The following TTC39A variants were observed in gnomAD, a reference collection of about 807,000 sequenced individuals.
TTC39A encodes tetratricopeptide repeat protein 39A.
TTC39A carries 46 observed loss-of-function variants against 82.3 expected under a neutral mutation model. The ratio of observed to expected loss-of-function variants is 0.56; its 90% confidence interval spans 0.44 to 0.71. TTC39A has a LOEUF of 0.71. Ranked by LOEUF, TTC39A falls within the 30% of genes least tolerant of loss-of-function variation. The pLI is 0.00. For missense variants in TTC39A, 543 were observed against 712.9 expected (o/e 0.76, Z 2.71); for synonymous variants, 254 against 275.2 (o/e 0.92, Z 0.76).
At chr1:51,304,579 C>G (rs911436645) in intron 8 of TTC39A, among the ~76,000 whole-genome samples, 50 of 152,308 alleles carry the variant, frequency 3.3e-4, no homozygotes, top group African/African-American at 1.1e-3. Flanking sequence ...TGCCTTCAAC[C>G]TGGGGTTGGT....
intron 7 of TTC39A, among the ~76,000 whole-genome samples, 199 bp from the exon 8 acceptor site, chr1:51,305,345 G>A (rs578252114): frequency 1.3e-5 from 2 of 152,282 alleles, no homozygotes; most frequent in African/African-American, 2.4e-5. Flanking sequence ...CCATGGGCAG[G>A]TGCCAGGAAG....
At position 51,311,311 on chromosome 1, in the gene TTC39A, G is replaced by A. The variant is rs772336304; in HGVS notation, c.366C>T (p.His122=). ...TLGQFTEEEI[H]AEVCYAECLL... ...GGCACTCTGCATAGCAGACCTCAGC[G>A]TGGATTTCCTCTGTGGGGAGAAAAC... Residue 122 remains histidine, a synonymous_variant, in exon 5 of 18, where the codon CAC becomes CAT. Transcript: ENST00000680483. 5.1e-6 allele frequency: 8 copies of A among 1,580,322 alleles called. No individual in the cohort carries two copies. Among genetic ancestry groups the A allele is most frequent in the East Asian group, 2.3e-5 (1 of 43,318 alleles).
rs1645869867 is a variant in TTC39A at position 51,330,419 on chromosome 1, T to C, written c.41+18A>G. 1 of 979,920 alleles carries C rather than the reference T, an allele frequency of 1.0e-6. No individual in the cohort carries two copies. Among genetic ancestry groups the C allele is most frequent in the East Asian group, 1.2e-4 (1 of 8,610 alleles). 60.7% of individuals were successfully genotyped at this position (979,920 alleles called of 1,614,324 possible). A position where few individuals can be genotyped will look rare whatever the true frequency, so the allele number is the denominator to read the frequency against. ...CCCGCGCCGCCCGCGCCCCCGGGCC[T>C]CCCAGCCGCGCACTTACCCCGCGGG... On this transcript the variant is annotated intron_variant, in intron 1 of 17. Coordinates refer to ENST00000680483, the MANE Select transcript of TTC39A (RefSeq NM_001297663.2). This position sits in a 1 kb window ranked among gnomAD's most constrained non-coding sequence, Gnocchi z 4.5.
intron 2 of TTC39A, among the ~76,000 whole-genome samples, chr1:51,315,913 T>G (rs1256969682): frequency 6.6e-6 from 1 of 152,240 alleles, no homozygotes; most frequent in African/African-American, 2.4e-5. Context: ...GCACAGGGCC[T>G]GTGCCTAAAA....
intron 1 of TTC39A, among the ~76,000 whole-genome samples, chr1:51,341,593 A>G (rs2148323736): frequency 6.6e-6 from 1 of 152,232 alleles, no homozygotes. Flanking sequence ...GTCACCAGGG[A>G]TTGAGGATCT....
At chr1:51,314,532 ATAAGT>A (rs1196666628) in intron 2 of TTC39A, among the ~76,000 whole-genome samples, 1 of 152,196 alleles carries the variant, frequency 6.6e-6, no homozygotes, top group Non-Finnish European at 1.5e-5. Flanking sequence ...TAAAACACTC[ATAAGT>A]TAAGTTACTT....
At chr1:51,344,331 C>T (rs948260776) in intron 1 of TTC39A, among the ~76,000 whole-genome samples, 3 of 152,048 alleles carry the variant, frequency 2.0e-5, no homozygotes, top group African/African-American at 4.8e-5. Context: ...TGTAAATATG[C>T]GGGGAGGGCT....
intron 1 of TTC39A, among the ~76,000 whole-genome samples, chr1:51,328,541 T>C (rs920888444): frequency 1.3e-5 from 2 of 152,156 alleles, no homozygotes; most frequent in African/African-American, 4.8e-5. Flanking sequence ...TTTTAAGACT[T>C]ACACACACTG....
chr1:51,322,007 G>C (rs920802492), intron 1 of TTC39A, 182 bp from the exon 2 acceptor site: 2 of 1,425,404 alleles, frequency 1.4e-6, no homozygotes, highest in Non-Finnish European at 1.9e-6. Context: ...ACCTCTTGGT[G>C]TTCCCAAGGG....
chr1:51,306,109 C>T (rs1039864768), intron 6 of TTC39A, 33 bp from the exon 7 acceptor site: 2 of 1,472,292 alleles, frequency 1.4e-6, no homozygotes, highest in African/African-American at 2.8e-5. Flanking sequence ...GTTTCAGCCA[C>T]TGCTGGGGGT....
Position 51,345,034 on chromosome 1 carries a change from GA to G in TTC39A, c.9del (p.Leu4Ter). 1.3e-6 allele frequency: 2 copies of G among 1,515,298 alleles called. No homozygotes were observed. The highest frequency in any genetic ancestry group is 2.8e-5 in the East Asian group (1 of 36,056). The allele number at this position is 1,515,298 out of a possible 1,614,324, so 93.9% of individuals were successfully genotyped here. A position where few individuals can be genotyped will look rare whatever the true frequency, so the allele number is the denominator to read the frequency against. ...GAGGCCGCCTCCTTCCAGGTGGTCA[GA>G]AAGGCCATGGGCGCGGGCCGGGCTC... On this transcript the variant is annotated frameshift_variant, in exon 1 of 6. Coordinates refer to the TTC39A transcript ENST00000401051. LOFTEE classifies it high-confidence loss of function.
intron 12 of TTC39A, chr1:51,299,192 C>CT (rs1386701513): frequency 6.6e-6 from 1 of 151,782 alleles, no homozygotes; most frequent in Non-Finnish European, 1.5e-5. Flanking sequence ...ACTGCTCTTT[C>CT]TGGGGGGGCG....
intron 1 of TTC39A, among the ~76,000 whole-genome samples, chr1:51,328,321 C>G (rs1284935908): frequency 6.6e-6 from 1 of 151,866 alleles, no homozygotes. Flanking sequence ...AATAGCAAGA[C>G]ACTGGGAACA....
chr1:51,325,276 A>C (rs1645673248), intron 1 of TTC39A, among the ~76,000 whole-genome samples: 1 of 151,920 alleles, frequency 6.6e-6, no homozygotes, highest in Admixed American at 6.6e-5. Context: ...AAAAACCACA[A>C]ATGTCACTTC....
intron 1 of TTC39A, among the ~76,000 whole-genome samples, chr1:51,339,389 T>G (rs1646009370): frequency 6.6e-6 from 1 of 152,200 alleles, no homozygotes; most frequent in African/African-American, 2.4e-5. Flanking sequence ...GCTGATCACC[T>G]GGGAAAGACT....
intron 1 of TTC39A, among the ~76,000 whole-genome samples, chr1:51,323,997 C>T (rs1645620173): frequency 6.6e-6 from 1 of 152,098 alleles, no homozygotes; most frequent in Non-Finnish European, 1.5e-5. Context: ...TACATTGCTC[C>T]AGGAAGGATT....
At chr1:51,312,771 G>T in intron 3 of TTC39A, 41 bp downstream of exon 3, 1 of 1,600,236 alleles carries the variant, frequency 6.2e-7, no homozygotes, top group Admixed American at 1.7e-5. Flanking sequence ...ACAGCAGGGT[G>T]GGCCTCCCAA....
At chr1:51,292,865 C>T (rs1271523543) in intron 14 of TTC39A, among the ~76,000 whole-genome samples, 5 of 152,168 alleles carry the variant, frequency 3.3e-5, no homozygotes, top group Non-Finnish European at 5.9e-5. Flanking sequence ...TATATAAAGA[C>T]TCCAAGAAAG....
chr1:51,308,579 C>T (rs1183478613), intron 6 of TTC39A, among the ~76,000 whole-genome samples: 1 of 152,164 alleles, frequency 6.6e-6, no homozygotes, highest in Non-Finnish European at 1.5e-5. Flanking sequence ...TAATGCAAAA[C>T]TTGGTGAGTG....
Sources: gnomAD v4.1 joint callset for allele counts (sites outside exome capture counted in the v4.1 genomes callset) on GRCh38, gnomAD v4.1.1 for gene constraint, Gnocchi (gnomAD v3.1) non-coding constraint, MANE v1.5 for transcripts, NCBI Gene and HGNC (gene_info 2026-07-23, HGNC 2026-07-21) for gene names.